Variants in PDLIM7 observed in about 807,000 individuals in gnomAD.
The protein encoded by PDLIM7 is PDZ and LIM domain 7.
A neutral mutation model predicts 53.9 loss-of-function variants in PDLIM7; 37 were observed. The ratio of observed to expected loss-of-function variants is 0.69; its 90% CI spans 0.53 to 0.90. The LOEUF (loss-of-function observed/expected upper bound fraction) is 0.90. Ranked by LOEUF, PDLIM7 falls within the 40% of genes least tolerant of loss-of-function variation. The probability of loss-of-function intolerance (pLI) is 0.00; values close to 1 mark genes in which losing one functional copy is unlikely to be tolerated. For missense variants in PDLIM7, 617 were observed against 638.5 expected (o/e 0.97, Z 0.36); for synonymous variants, 300 against 261.3 (o/e 1.15, Z -1.43).
chr5:177,492,348 G>A, intron 4 of PDLIM7, 57 bp downstream of exon 4: 2 of 1,595,676 alleles, frequency 1.3e-6, no homozygotes, highest in Non-Finnish European at 1.7e-6. Flanking sequence ...GGGCGAGCAG[G>A]CCTGGCCGTC....
intron 10 of PDLIM7, among the ~76,000 whole-genome samples, chr5:177,485,691 T>TA (rs1157388141): frequency 1.3e-5 from 2 of 152,240 alleles, no homozygotes; most frequent in East Asian, 3.9e-4. Context: ...ATCTAGGTGT[T>TA]AAAGAGAAAT....
intron 4 of PDLIM7, 140 bp from the exon 5 acceptor site, chr5:177,492,065 A>G: frequency 3.0e-6 from 1 of 338,178 alleles, no homozygotes; most frequent in Non-Finnish European, 5.1e-6. Flanking sequence ...TTTGGAGGCT[A>G]CGGGGAGAGG....
rs1364666500 is a variant in PDLIM7, at chr5:177,483,778, A to T, written c.1288-48T>A. The T allele has an allele frequency of 2.5e-6, 4 of 1,576,154 alleles. No homozygotes were observed. In the Admixed American group the frequency reaches 6.7e-5, roughly 26 times the overall value. ...CACATGGGGTTGGGGGCAGCAGGAG[A>T]GGCCCCTTCCCAACTTCTCCTGCAT... is the stretch of plus-strand genomic sequence containing the variant. On this transcript the variant is annotated intron_variant, in intron 12 of 12. Coordinates refer to ENST00000355841, the MANE Select transcript of PDLIM7 (RefSeq NM_005451.5).
intron 6 of PDLIM7, 26 bp downstream of exon 6, chr5:177,490,984 A>T: frequency 6.2e-7 from 1 of 1,613,406 alleles, no homozygotes; most frequent in Non-Finnish European, 8.5e-7. Flanking sequence ...CGAGGAAAGT[A>T]CCCCCTGCCC....
chr5:177,496,084 C>G (rs991012046), intron 2 of PDLIM7, among the ~76,000 whole-genome samples: 1 of 152,070 alleles, frequency 6.6e-6, no homozygotes, highest in Non-Finnish European at 1.5e-5. Context: ...GGGCCTGGCT[C>G]CAAGCATTGC....
intron 1 of PDLIM7, chr5:177,496,979 G>C (rs1400195601): frequency 6.8e-6 from 1 of 146,644 alleles, no homozygotes; most frequent in Non-Finnish European, 1.5e-5. Context: ...AGAGCCAGCG[G>C]AGGGAGCACA....
At chr5:177,490,303 A>G in intron 7 of PDLIM7, 2 of 1,444,132 alleles carry the variant, frequency 1.4e-6, no homozygotes, top group Non-Finnish European at 1.8e-6. Context: ...AGACAGCAGT[A>G]CCACAGGGCA....
intron 1 of PDLIM7, 142 bp from the exon 2 acceptor site, chr5:177,496,665 G>T: frequency 2.0e-6 from 1 of 494,522 alleles, no homozygotes; most frequent in Non-Finnish European, 3.5e-6. Flanking sequence ...TAGGAGGCAG[G>T]TATTTTGTCA....
intron 10 of PDLIM7, among the ~76,000 whole-genome samples, chr5:177,487,125 G>C (rs541821453): frequency 1.3e-5 from 2 of 151,742 alleles, no homozygotes; most frequent in African/African-American, 4.8e-5. Context: ...TAGAGACAGG[G>C]TTTCACCATA....
rs1007648329 is a variant in PDLIM7 at position 177,492,184 on chromosome 5, AG to A, written c.279+220del. 14 of 632,082 alleles carry A rather than the reference AG, an allele frequency of 2.2e-5. No homozygotes were observed. In the African/African-American group the frequency reaches 2.4e-4, roughly 11 times the overall value. 39.2% of individuals were successfully genotyped at this position (632,082 alleles called of 1,614,324 possible). A position where few individuals can be genotyped will look rare whatever the true frequency, so the allele number is the denominator to read the frequency against. ...CGCAGCGCCGGCGGCGGGAGGCAGC[AG>A]GCGGACAGACAGGCGGACAGACAGG... On this transcript the variant is annotated intron_variant, in intron 4 of 12. Transcript: ENST00000355841.
At chr5:177,490,017 G>T (rs756366565) in intron 7 of PDLIM7, 185 bp from the exon 8 acceptor site, 201 of 1,534,578 alleles carry the variant, frequency 1.3e-4, no homozygotes, top group Non-Finnish European at 1.6e-4. Context: ...CAGTTAGCTG[G>T]TGTGCGGTCT....
chr5:177,492,848 T>C lies in PDLIM7; in HGVS notation c.97-171A>G, dbSNP rs1002469856. 1.1e-5 allele frequency: 7 copies of C among 646,520 alleles called. No homozygotes were observed. In the East Asian group the frequency reaches 1.1e-4, roughly 10 times the overall value. The allele number at this position is 646,520 out of a possible 1,614,324, so 40.0% of individuals were successfully genotyped here. On this transcript the variant is annotated intron_variant, in intron 2 of 12. Coordinates refer to ENST00000355841, the MANE Select transcript of PDLIM7 (RefSeq NM_005451.5). ...GACACTAAAGCAACCCAGGAGGTGGTGGCGCTCACCTGAGCTTCACAATTT... is the reference window on the plus strand; with the variant it reads ...GACACTAAAGCAACCCAGGAGGTGGCGGCGCTCACCTGAGCTTCACAATTT...
In PDLIM7 at chr5:177,488,142, C is replaced by T. The variant is rs2306764; in HGVS notation, c.976G>A (p.Ala326Thr). The change falls in exon 10 of 13, where the codon GCC (alanine) becomes ACC (threonine). Residue 326 changes from alanine (A) to threonine (T), a missense_variant. By Grantham distance (58) the Ala-to-Thr change is moderately conservative. Transcript: ENST00000355841. ...EEGGFFEEKG[A>T]IFCPPCYDVR... is the part of the protein sequence containing the mutation. ...TCATAGCATGGTGGGCAGAAGATGGCGCCCTTCTCCTCAAAGAAGCCACCC... is the reference window on the plus strand; with the variant it reads ...TCATAGCATGGTGGGCAGAAGATGGTGCCCTTCTCCTCAAAGAAGCCACCC... 70,536 of 1,612,512 alleles carry T rather than the reference C, an allele frequency of 0.044. 4,456 individuals carry two copies. Among genetic ancestry groups the T allele is most frequent in the East Asian group, 0.31 (13,859 of 44,750 alleles).
At chr5:177,493,050 G>T in intron 2 of PDLIM7, 1 of 230,648 alleles carries the variant, frequency 4.3e-6, no homozygotes, top group South Asian at 7.1e-5. Flanking sequence ...TGTTTCAGGA[G>T]GACCATTGCC....
At chr5:177,491,284 G>C (rs1758766780) in intron 5 of PDLIM7, 138 bp from the exon 6 acceptor site, 20 of 1,436,192 alleles carry the variant, frequency 1.4e-5, no homozygotes, top group Non-Finnish European at 1.8e-5. Context: ...GCCCTGCTGG[G>C]CGGGTAGGTG....
intron 1 of PDLIM7, among the ~76,000 whole-genome samples, chr5:177,497,220 G>A (rs1035678909): frequency 6.6e-6 from 1 of 152,068 alleles, no homozygotes; most frequent in African/African-American, 2.4e-5. Context: ...CCTTCCCCGA[G>A]CCCAGTGGGG....
At position 177,491,151 on chromosome 5, in the gene PDLIM7, G is replaced by T. The variant is rs1758759528; in HGVS notation, c.399-5C>A. 8 of 1,603,176 alleles carry T rather than the reference G, an allele frequency of 5.0e-6. No homozygotes were observed. Among genetic ancestry groups the T allele is most frequent in the Non-Finnish European group, 6.8e-6 (8 of 1,174,440 alleles). On this transcript the variant is annotated splice_polypyrimidine_tract_variant and splice_region_variant and intron_variant, in intron 5 of 12. Coordinates refer to ENST00000355841, the MANE Select transcript of PDLIM7 (RefSeq NM_005451.5). ...ACCAGCGGTCGGAGCGGCTGTCTGTGGGGAGGGTGTGGCTCAGAACCCCAC... is the reference window on the plus strand; with the variant it reads ...ACCAGCGGTCGGAGCGGCTGTCTGTTGGGAGGGTGTGGCTCAGAACCCCAC...
At chr5:177,487,857 G>A (rs570831442) in intron 10 of PDLIM7, 57 of 439,158 alleles carry the variant, frequency 1.3e-4, no homozygotes, top group Non-Finnish European at 2.0e-5. Flanking sequence ...CCTGCTCTTT[G>A]CAGCCTTGGG....
intron 9 of PDLIM7, 48 bp from the exon 10 acceptor site, chr5:177,488,296 G>A: frequency 6.6e-7 from 1 of 1,513,620 alleles, no homozygotes; most frequent in Non-Finnish European, 8.9e-7. Context: ...AGAGAGGTGG[G>A]GGTCTTGGCC....
Sources: gnomAD v4.1 joint callset for allele counts (sites outside exome capture counted in the v4.1 genomes callset) on GRCh38, gnomAD v4.1.1 for gene constraint, MANE v1.5 for transcripts, NCBI Gene and HGNC (gene_info 2026-07-23, HGNC 2026-07-21) for gene names.